The following NEMF variants were observed in gnomAD, a reference collection of about 807,000 sequenced individuals.
NEMF encodes the protein ribosome quality control complex subunit NEMF.
NEMF carries 89 observed loss-of-function variants against 162.2 expected under a neutral mutation model. That is an observed-to-expected ratio of 0.55 (90% CI 0.46 to 0.65). The LOEUF (loss-of-function observed/expected upper bound fraction) is 0.65, where lower values mean the gene tolerates loss of function less well. Ranked by LOEUF, NEMF falls within the 30% of genes least tolerant of loss-of-function variation. NEMF has a pLI of 0.00. For missense variants in NEMF, 1,133 were observed against 1,261.9 expected, an observed-to-expected ratio of 0.90 and a Z score of 1.55; for synonymous variants, 421 against 404.5, an observed-to-expected ratio of 1.04 and a Z score of -0.49.
rs894598125 is a variant in NEMF, at chr14:49,783,520, G to A, written c.*1116C>T. 5.3e-5 allele frequency: 8 copies of A among 151,988 alleles called. No homozygotes were observed. Among genetic ancestry groups the A allele is most frequent in the Non-Finnish European group, 8.8e-5 (6 of 68,002 alleles). The allele number at this position is 151,988 out of a possible 1,614,324, so 9.4% of individuals were successfully genotyped here. A position where few individuals can be genotyped will look rare whatever the true frequency, so the allele number is the denominator to read the frequency against. On this transcript the variant is annotated 3_prime_UTR_variant, in exon 33 of 33. Transcript: ENST00000298310. ...GCTGAATACAGGCAGGTGCTGTCCA[G>A]TCAATTAAAAAGTTTTTTTTTAATT... is the stretch of plus-strand genomic sequence containing the variant.
rs2139810525 is a variant in NEMF at position 49,784,032 on chromosome 14, TCA to T, written c.*602_*603del. 6.6e-6 allele frequency: 1 copy of T among 152,072 alleles called. No homozygotes were observed. Among genetic ancestry groups the T allele is most frequent in the African/African-American group, 2.4e-5 (1 of 41,484 alleles). The allele number at this position is 152,072 out of a possible 1,614,324, so 9.4% of individuals were successfully genotyped here. The stretch of plus-strand genomic sequence containing the variant: ...TTAAGCAATCAAGCCACTTCACTGT[TCA>T]GTTTCTTTACATCATGAAATGAATA... On this transcript the variant is annotated 3_prime_UTR_variant, in exon 33 of 33. Transcript: ENST00000298310.
chr14:49,806,161 T>C, intron 18 of NEMF, 28 bp from the exon 19 acceptor site: 1 of 1,534,398 alleles, frequency 6.5e-7, no homozygotes. Context: ...AATGTTTCAA[T>C]ACCAAAGTAT....
In NEMF at chr14:49,795,922, G is replaced by A. The variant is rs140761202; in HGVS notation, c.2488C>T (p.Pro830Ser). 126 of 1,598,466 alleles carry A rather than the reference G, an allele frequency of 7.9e-5. No individual in the cohort carries two copies. Among genetic ancestry groups the A allele is most frequent in the Non-Finnish European group, 9.9e-5 (117 of 1,176,036 alleles). Residue 830 changes from proline (P) to serine (S), a missense_variant, in exon 26 of 33, where the codon CCA becomes TCA. Coordinates refer to ENST00000298310, the MANE Select transcript of NEMF (RefSeq NM_004713.6). The part of the protein sequence containing the change: ...ERREMKKKKL[P>S]SDSGDLEALE... The stretch of plus-strand genomic sequence containing the variant: ...GCTTCTAAATCTCCTGAGTCACTTG[G>A]AAGTTTTTTCTTTTTCATTTCCCTG...
In NEMF at chr14:49,800,599, A is replaced by C; in HGVS notation, c.2193T>G (p.Leu731=). ...CATTTAGTTCATCTCTGCCACTCTG[A>C]AGAGTGATATCCTCTTGGTCAACCT... ...MTQVDQEDIT[L]QSGRDELNEE... The change falls in exon 23 of 33, where the codon CTT becomes CTG. Residue 731 remains leucine (L), a synonymous_variant. Coordinates refer to ENST00000298310, the MANE Select transcript of NEMF (RefSeq NM_004713.6). 6.2e-7 allele frequency: 1 copy of C among 1,613,788 alleles called. No homozygotes were observed. Among genetic ancestry groups the C allele is most frequent in the Non-Finnish European group, 8.5e-7 (1 of 1,179,814 alleles).
At position 49,783,721 on chromosome 14, in the gene NEMF, A is replaced by AAATT. The variant is rs1890026546; in HGVS notation, c.*911_*914dup. The AAATT allele has an allele frequency of 6.6e-6, 1 of 152,150 alleles. No homozygotes were observed. 9.4% of individuals were successfully genotyped at this position (152,150 alleles called of 1,614,324 possible). On this transcript the variant is annotated 3_prime_UTR_variant, in exon 33 of 33. Coordinates refer to ENST00000298310, the MANE Select transcript of NEMF (RefSeq NM_004713.6). ...ATTGGTAATTAATTACTAAAGGTGGAAATTAAAATGGTACAGAACTGAATC... is the reference window on the plus strand; with the variant it reads ...ATTGGTAATTAATTACTAAAGGTGGAAATTAATTAAAATGGTACAGAACTGAATC...
At chr14:49,817,959 T>C (rs998783484) in intron 16 of NEMF, among the ~76,000 whole-genome samples, 4 of 151,824 alleles carry the variant, frequency 2.6e-5, no homozygotes, top group African/African-American at 9.7e-5. Flanking sequence ...ACAAGAACAT[T>C]ACAAGAAATG....
At chr14:49,851,964 GAT>G (rs1180826251) in intron 1 of NEMF, 89 bp from the exon 2 acceptor site, 16 of 792,492 alleles carry the variant, frequency 2.0e-5, no homozygotes, top group African/African-American at 5.3e-5. Flanking sequence ...CGAAAGAGCG[GAT>G]CTCAGTCTCT....
intron 4 of NEMF, chr14:49,845,921 G>T: frequency 1.8e-6 from 1 of 546,644 alleles, no homozygotes; most frequent in Non-Finnish European, 3.2e-6. Flanking sequence ...ACATTCATAA[G>T]GCTATTCTAA....
At chr14:49,840,461 C>A (rs1893143683) in intron 5 of NEMF, among the ~76,000 whole-genome samples, 1 of 140,828 alleles carries the variant, frequency 7.1e-6, no homozygotes, top group African/African-American at 2.6e-5. Flanking sequence ...GACTCCATCT[C>A]AAAAAAAAAA....
At chr14:49,799,263 T>G (rs1234943051) in intron 25 of NEMF, among the ~76,000 whole-genome samples, 2 of 140,690 alleles carry the variant, frequency 1.4e-5, no homozygotes, top group Non-Finnish European at 3.1e-5. Context: ...CTTACTCTAC[T>G]AGGTCTATTT....
Position 49,802,690 on chromosome 14 carries a change from C to T in NEMF, c.1953G>A (p.Met651Ile), listed in dbSNP as rs1227998597. The change falls in exon 21 of 33, where the codon ATG becomes ATA. Residue 651 changes from methionine (M) to isoleucine (I), a missense_variant. This residue lies in a region of NEMF where 532 missense variants were observed against 578.6 expected (regional missense o/e 0.92). Transcript: ENST00000298310. ...KNFLPPSYLMMGFSFLFKVDE... is the reference protein window; with the variant it reads ...KNFLPPSYLMIGFSFLFKVDE... ...GTACCTTAAAAAGGAAGCTAAACCCCATCATTAGATATGAGGGAGGAAGAA... is the reference window on the plus strand; with the variant it reads ...GTACCTTAAAAAGGAAGCTAAACCCTATCATTAGATATGAGGGAGGAAGAA... 1 of 1,612,262 alleles carries T rather than the reference C, an allele frequency of 6.2e-7. No homozygotes were observed. Among genetic ancestry groups the T allele is most frequent in the Non-Finnish European group, 8.5e-7 (1 of 1,179,216 alleles).
intron 16 of NEMF, among the ~76,000 whole-genome samples, chr14:49,823,785 A>T (rs1008076898): frequency 2.0e-5 from 3 of 152,200 alleles, no homozygotes; most frequent in Non-Finnish European, 2.9e-5. Flanking sequence ...ACCAACCCCA[A>T]TTGTAAAATT....
intron 18 of NEMF, among the ~76,000 whole-genome samples, chr14:49,806,538 G>C (rs950694071): frequency 1.3e-5 from 2 of 151,192 alleles, no homozygotes; most frequent in Non-Finnish European, 2.9e-5. Context: ...GGAACTACAG[G>C]CATGAGCCAC....
chr14:49,835,926 TCTAA>T (rs1451850276), intron 6 of NEMF, among the ~76,000 whole-genome samples: 6 of 152,162 alleles, frequency 3.9e-5, no homozygotes, highest in Non-Finnish European at 7.4e-5. Flanking sequence ...TAGGAATAAA[TCTAA>T]CTGAGAGAAA....
At chr14:49,787,367 A>G (rs1404575342) in intron 28 of NEMF, among the ~76,000 whole-genome samples, 2 of 152,214 alleles carry the variant, frequency 1.3e-5, no homozygotes, top group African/African-American at 4.8e-5. Context: ...AGCAGATTCA[A>G]TGTCTGATAA....
chr14:49,786,813 T>A, intron 28 of NEMF, 63 bp from the exon 29 acceptor site: 2 of 1,455,904 alleles, frequency 1.4e-6, no homozygotes, highest in Non-Finnish European at 1.9e-6. Context: ...TCCACATCAT[T>A]AAACCATAAG....
At chr14:49,796,413 G>A (rs116795254) in intron 25 of NEMF, 16 of 399,850 alleles carry the variant, frequency 4.0e-5, no homozygotes, top group African/African-American at 2.5e-4. Context: ...CAATGCCAAC[G>A]TCTTAGTTCA....
At chr14:49,828,837 A>G in intron 13 of NEMF, 30 bp from the exon 14 acceptor site, 1 of 1,478,300 alleles carries the variant, frequency 6.8e-7, no homozygotes, top group Non-Finnish European at 9.1e-7. Context: ...GCATTTCACT[A>G]ACGTCAATGA....
At chr14:49,820,555 G>A (rs1891955665) in intron 16 of NEMF, 2 of 454,106 alleles carry the variant, frequency 4.4e-6, no homozygotes, top group South Asian at 3.1e-5. Flanking sequence ...GATCACTTGA[G>A]GTCAGGAGTT....
Sources: allele counts gnomAD v4.1 joint callset (sites outside exome capture counted in the v4.1 genomes callset), GRCh38; gene constraint gnomAD v4.1.1; regional missense constraint gnomAD v4.1.1; transcripts MANE v1.5; gene names NCBI Gene and HGNC (gene_info 2026-07-23, HGNC 2026-07-21).